Variants in CD209 observed in about 807,000 individuals in gnomAD.
CD209 encodes CD209 antigen.
Under a neutral mutation model 44.7 loss-of-function variants are expected in CD209, and 31 were observed. The ratio of observed to expected loss-of-function variants is 0.69; its 90% CI spans 0.52 to 0.94. The LOEUF (loss-of-function observed/expected upper bound fraction) is 0.94. Among genes scored for constraint, CD209 ranks in the 40% least tolerant of loss-of-function variants. The probability of loss-of-function intolerance (pLI) is 0.00; values close to 1 mark genes in which losing one functional copy is unlikely to be tolerated. For synonymous variants in CD209, 173 were observed against 181.3 expected, an observed-to-expected ratio of 0.95 and a Z score of 0.37; for missense variants, 407 against 452.4, an observed-to-expected ratio of 0.90 and a Z score of 0.91.
rs1276406560 is a variant in CD209, at chr19:7,742,343, G to A, written c.*696C>T. The A allele has an allele frequency of 6.6e-6, 1 of 152,432 alleles. No individual in the cohort carries two copies. Among genetic ancestry groups the A allele is most frequent in the Non-Finnish European group, 1.5e-5 (1 of 68,288 alleles). 9.4% of individuals were successfully genotyped at this position (152,432 alleles called of 1,614,324 possible). A position where few individuals can be genotyped will look rare whatever the true frequency, so the allele number is the denominator to read the frequency against. ...CTGGTGGCGCCTGCCTGTAATTCCA[G>A]CTACTCGTGAGGCTGAGGCAGGAGA... On this transcript the variant is annotated 3_prime_UTR_variant, in exon 7 of 7. Coordinates refer to ENST00000315599, the MANE Select transcript of CD209 (RefSeq NM_021155.4).
chr19:7,740,906 G>A lies in CD209; in HGVS notation c.*2133C>T, dbSNP rs1474075931. ...AAAATGGCGCCACATGGCAAAACCC[G>A]GAACCCCCCCTTGGATTTCAGAGTC... On this transcript the variant is annotated 3_prime_UTR_variant, in exon 7 of 7. Transcript: ENST00000315599. 3 of 734,010 alleles carry A rather than the reference G, an allele frequency of 4.1e-6. No homozygotes were observed. The highest frequency in any genetic ancestry group is 3.5e-5 in the African/African-American group (2 of 57,442). The allele number at this position is 734,010 out of a possible 1,614,324, so 45.5% of individuals were successfully genotyped here.
At chr19:7,745,239 T>A in intron 4 of CD209, 147 bp from the exon 5 acceptor site, 1 of 1,184,166 alleles carries the variant, frequency 8.4e-7, no homozygotes, top group South Asian at 1.5e-5. Flanking sequence ...CCCGAGACCC[T>A]CCCCCATCCC....
rs747053615 is a variant in CD209 at position 7,746,055 on chromosome 19, G to T, written c.211C>A (p.Gln71Lys). Residue 71 changes from glutamine to lysine, a missense_variant, in exon 4 of 7, where the codon CAA (glutamine) becomes AAA (lysine). Transcript: ENST00000315599. ...TGGTAGATCGCGTCTTGCCTGGATT[G>T]TTCCTGACTTATGGAGCTGGGGACC... ...SKVPSSISQE[Q>K]SRQDAIYQNL... 1.9e-6 allele frequency: 3 copies of T among 1,614,238 alleles called. No individual in the cohort carries two copies. The highest frequency in any genetic ancestry group is 1.1e-5 in the South Asian group (1 of 91,092).
At position 7,741,269 on chromosome 19, in the gene CD209, A is replaced by C. The variant is rs2033603206; in HGVS notation, c.*1770T>G. ...GGCGAATCACGAGGTCAAGAGATCG[A>C]GACCATCCTGGTCAACATGTTGAAA... is the stretch of plus-strand genomic sequence containing the variant. On this transcript the variant is annotated 3_prime_UTR_variant, in exon 7 of 7. Transcript: ENST00000315599. 2 of 453,204 alleles carry C rather than the reference A, an allele frequency of 4.4e-6. No individual in the cohort carries two copies. The highest frequency in any genetic ancestry group is 8.1e-6 in the Non-Finnish European group (2 of 246,972). 28.1% of individuals were successfully genotyped at this position (453,204 alleles called of 1,614,324 possible).
Position 7,743,157 on chromosome 19 carries a change from TC to T in CD209, c.1096del (p.Asp366ThrfsTer91). ...CAEFSGNGWN[D>X]DKCNLAKFWI... ...GAATTTGGCAAGATTACATTTGTCGTCGTTCCAGCCATTGCCACTAAATTCC... is the reference window on the plus strand; with the variant it reads ...GAATTTGGCAAGATTACATTTGTCGTGTTCCAGCCATTGCCACTAAATTCC... On this transcript the variant is annotated frameshift_variant, in exon 7 of 7. Coordinates refer to ENST00000315599, the MANE Select transcript of CD209 (RefSeq NM_021155.4). LOFTEE classifies it low-confidence loss of function (END_TRUNC). 6.2e-7 allele frequency: 1 copy of T among 1,614,210 alleles called. No individual in the cohort carries two copies. Among genetic ancestry groups the T allele is most frequent in the Non-Finnish European group, 8.5e-7 (1 of 1,180,024 alleles).
At position 7,745,829 on chromosome 19, in the gene CD209, A is replaced by G. The variant is rs745378205; in HGVS notation, c.437T>C (p.Ile146Thr). 1.2e-6 allele frequency: 2 copies of G among 1,608,742 alleles called. No individual in the cohort carries two copies. The highest frequency in any genetic ancestry group is 1.7e-6 in the Non-Finnish European group (2 of 1,179,548). The part of the protein sequence containing the change: ...ELPEKSKLQE[I>T]YQELTWLKAA... Reference sequence around the variant, plus strand: ...CTTCAGCCAGGTCAGCTCCTGGTAGATCTCCTGCAGCTTAGATTTCTCTGG... The same window carrying G: ...CTTCAGCCAGGTCAGCTCCTGGTAGGTCTCCTGCAGCTTAGATTTCTCTGG... The change falls in exon 4 of 7, where the codon ATC becomes ACC. Residue 146 changes from isoleucine (I) to threonine (T), a missense_variant. Ile to Thr is a moderately conservative substitution (Grantham distance 89). This residue lies in a region of CD209 where 85 missense variants were observed against 139.9 expected (regional missense o/e 0.61). Coordinates refer to ENST00000315599, the MANE Select transcript of CD209 (RefSeq NM_021155.4).
chr19:7,741,405 T>G lies in CD209; in HGVS notation c.*1634A>C. On this transcript the variant is annotated 3_prime_UTR_variant, in exon 7 of 7. Transcript: ENST00000315599. Reference sequence around the variant, plus strand: ...TACTCGGGAGGCTGAGGCAGGAGAATCGCTTGAACCCGGGAGGCGGAAGTT... The same window carrying G: ...TACTCGGGAGGCTGAGGCAGGAGAAGCGCTTGAACCCGGGAGGCGGAAGTT... The G allele has an allele frequency of 2.6e-6, 1 of 384,380 alleles. No individual in the cohort carries two copies. The highest frequency in any genetic ancestry group is 3.8e-5 in the Admixed American group (1 of 26,556). The allele number at this position is 384,380 out of a possible 1,614,324, so 23.8% of individuals were successfully genotyped here.
At position 7,745,510 on chromosome 19, in the gene CD209, A is replaced by T. The variant is rs773917097; in HGVS notation, c.748+8T>A. The T allele has an allele frequency of 1.2e-6, 2 of 1,612,390 alleles. No individual in the cohort carries two copies. The highest frequency in any genetic ancestry group is 1.7e-6 in the Non-Finnish European group (2 of 1,179,938). On this transcript the variant is annotated splice_region_variant and intron_variant, in intron 4 of 6. Coordinates refer to ENST00000315599, the MANE Select transcript of CD209 (RefSeq NM_021155.4). The stretch of plus-strand genomic sequence containing the variant: ...CAGGCCCAAGAAGCCCTGGTTCCAG[A>T]TACTCACCCACTGCAGCCTTCAGCT...
Position 7,741,877 on chromosome 19 carries a change from G to A in CD209, c.*1162C>T. 4.3e-6 allele frequency: 2 copies of A among 467,884 alleles called. No homozygotes were observed. The highest frequency in any genetic ancestry group is 1.8e-5 in the South Asian group (1 of 55,050). 29.0% of individuals were successfully genotyped at this position (467,884 alleles called of 1,614,324 possible). On this transcript the variant is annotated 3_prime_UTR_variant, in exon 7 of 7. Coordinates refer to ENST00000315599, the MANE Select transcript of CD209 (RefSeq NM_021155.4). ...GAATACTACAGGCTGCGGGGAAGGA[G>A]AACCCTAGTCCAGACCATTCCTACA... is the stretch of plus-strand genomic sequence containing the variant.
At position 7,745,096 on chromosome 19, in the gene CD209, T is replaced by A; in HGVS notation, c.749-4A>T. The A allele has an allele frequency of 6.2e-7, 1 of 1,614,180 alleles. No individual in the cohort carries two copies. Reference sequence around the variant, plus strand: ...GGACAGGGGTGGCACAGGCGTTCTGTTGGGGGAGGCTGGTCAGGGCTGGGC... The same window carrying A: ...GGACAGGGGTGGCACAGGCGTTCTGATGGGGGAGGCTGGTCAGGGCTGGGC... On this transcript the variant is annotated splice_region_variant and splice_polypyrimidine_tract_variant and intron_variant, in intron 4 of 6. Transcript: ENST00000315599.
In CD209 at chr19:7,742,785, A is replaced by C; in HGVS notation, c.*254T>G. ...GCAACCCAAATATCCTAATCTCCAAAAGGAAGAGAGAGTGGATTCTTGGAA... is the reference window on the plus strand; with the variant it reads ...GCAACCCAAATATCCTAATCTCCAACAGGAAGAGAGAGTGGATTCTTGGAA... On this transcript the variant is annotated 3_prime_UTR_variant, in exon 7 of 7. Transcript: ENST00000315599. 1.8e-6 allele frequency: 1 copy of C among 558,250 alleles called. No individual in the cohort carries two copies. The highest frequency in any genetic ancestry group is 4.7e-4 in the Middle Eastern group (1 of 2,114). 34.6% of individuals were successfully genotyped at this position (558,250 alleles called of 1,614,324 possible).
At position 7,741,110 on chromosome 19, in the gene CD209, A is replaced by C. The variant is rs1046417524; in HGVS notation, c.*1929T>G. ...GACTATGACTCCGAAGCAAGCCTGG[A>C]GTACAGCGAGGAAGAAACCTACCAA... On this transcript the variant is annotated 3_prime_UTR_variant, in exon 7 of 7. Transcript: ENST00000315599. 2.9e-6 allele frequency: 3 copies of C among 1,033,518 alleles called. No homozygotes were observed. The African/African-American group carries it at 4.7e-5, about 16-fold the overall frequency. 64.0% of individuals were successfully genotyped at this position (1,033,518 alleles called of 1,614,324 possible).
chr19:7,743,175 C>T lies in CD209; in HGVS notation c.1079G>A (p.Ser360Asn), dbSNP rs754983304. Residue 360 changes from serine to asparagine, a missense_variant, in exon 7 of 7, where the codon AGT (serine) becomes AAT (asparagine). Ser to Asn is a conservative substitution (Grantham distance 46). This residue lies in a region of CD209 where 200 missense variants were observed against 202.2 expected (regional missense o/e 0.99). Coordinates refer to ENST00000315599, the MANE Select transcript of CD209 (RefSeq NM_021155.4). ...NVGEEDCAEF[S>N]GNGWNDDKCN... ...TTTGTCGTCGTTCCAGCCATTGCCA[C>T]TAAATTCCGCGCAGTCTTCCTCCCC... 1 of 1,614,196 alleles carries T rather than the reference C, an allele frequency of 6.2e-7. No homozygotes were observed. The highest frequency in any genetic ancestry group is 1.1e-5 in the South Asian group (1 of 91,084).
intron 2 of CD209, 107 bp from the exon 3 acceptor site, chr19:7,746,638 C>G (rs1568515292): frequency 2.8e-6 from 3 of 1,075,436 alleles, no homozygotes; most frequent in South Asian, 2.7e-5. Flanking sequence ...AACCCCAGCC[C>G]CAGCCCCCTC....
In CD209 at chr19:7,744,316, C is replaced by T. The variant is rs900156099; in HGVS notation, c.901-97G>A. On this transcript the variant is annotated intron_variant, in intron 5 of 6. Transcript: ENST00000315599. ...GTAGGAAGTTCTGCTTGTAGGCTAA[C>T]CTACAGCCTTCTGGTATACTAGGTC... The T allele has an allele frequency of 3.0e-5, 27 of 908,052 alleles. 1 individual carries two copies. The highest frequency in any genetic ancestry group is 3.3e-4 in the Middle Eastern group (1 of 3,060). 56.2% of individuals were successfully genotyped at this position (908,052 alleles called of 1,614,324 possible). A position where few individuals can be genotyped will look rare whatever the true frequency, so the allele number is the denominator to read the frequency against.
intron 6 of CD209, 71 bp from the exon 7 acceptor site, chr19:7,743,311 A>G (rs554926524): frequency 3.8e-6 from 5 of 1,318,406 alleles, no homozygotes; most frequent in East Asian, 4.6e-5. Context: ...ACCTTCTGTC[A>G]TCTTGATGCC....
At position 7,741,719 on chromosome 19, in the gene CD209, T is replaced by C. The variant is rs1185152124; in HGVS notation, c.*1320A>G. The C allele has an allele frequency of 1.5e-6, 1 of 659,514 alleles. No individual in the cohort carries two copies. Among genetic ancestry groups the C allele is most frequent in the Non-Finnish European group, 2.8e-6 (1 of 358,716 alleles). 40.9% of individuals were successfully genotyped at this position (659,514 alleles called of 1,614,324 possible). A position where few individuals can be genotyped will look rare whatever the true frequency, so the allele number is the denominator to read the frequency against. ...GTGGAAAATGATGATTTGTGGTTTA[T>C]TTGAAATACAACAATGTCCAAGAGG... is the stretch of plus-strand genomic sequence containing the variant. On this transcript the variant is annotated 3_prime_UTR_variant, in exon 7 of 7. Transcript: ENST00000315599.
chr19:7,746,233 G>A (rs930607774), intron 3 of CD209, 146 bp from the exon 4 acceptor site: 4 of 1,291,604 alleles, frequency 3.1e-6, no homozygotes, highest in Non-Finnish European at 2.1e-6. Context: ...ACCTGGAGAA[G>A]GCAGCACAGA....
Position 7,741,820 on chromosome 19 carries a change from C to A in CD209, c.*1219G>T. On this transcript the variant is annotated 3_prime_UTR_variant, in exon 7 of 7. Transcript: ENST00000315599. ...CTTGTCTCCTCCTTTGGCAAGAGCT[C>A]CAAGGGGAGAGAGAGGGTGGGCCAC... 2.0e-6 allele frequency: 1 copy of A among 498,764 alleles called. No homozygotes were observed. 30.9% of individuals were successfully genotyped at this position (498,764 alleles called of 1,614,324 possible).
Sources: gnomAD v4.1 joint callset for allele counts on GRCh38, gnomAD v4.1.1 for gene constraint, gnomAD v4.1.1 regional missense constraint, MANE v1.5 for transcripts, NCBI Gene and HGNC (gene_info 2026-07-23, HGNC 2026-07-21) for gene names.